METAP1D: variants seen among roughly 807,000 people sequenced by gnomAD.
METAP1D encodes the protein methionine aminopeptidase 1D, mitochondrial.
A neutral mutation model predicts 40.5 loss-of-function variants in METAP1D; 31 were observed. The observed-to-expected ratio is 0.77, with a 90% confidence interval of 0.58 to 1.03. The LOEUF (loss-of-function observed/expected upper bound fraction) is 1.03, where lower values mean the gene tolerates loss of function less well. METAP1D is among the 50% of genes least tolerant of loss of function. The pLI, the probability that METAP1D is intolerant of heterozygous loss-of-function variation, is 0.00. For synonymous variants in METAP1D, 151 were observed against 146.4 expected, an observed-to-expected ratio of 1.03 and a Z score of -0.22; for missense variants, 411 against 420.7, an observed-to-expected ratio of 0.98 and a Z score of 0.20.
intron 3 of METAP1D, 72 bp from the exon 4 acceptor site, chr2:172,065,532 C>T (rs1394708014): frequency 2.0e-6 from 3 of 1,464,530 alleles, no homozygotes; most frequent in Non-Finnish European, 2.8e-6. Context: ...AGTACTGTTG[C>T]TATAGCATAG....
intron 1 of METAP1D, among the ~76,000 whole-genome samples, chr2:172,035,715 C>A (rs956505063): frequency 6.6e-6 from 1 of 152,178 alleles, no homozygotes; most frequent in African/African-American, 2.4e-5. Flanking sequence ...GTGGCATGAT[C>A]ACAGCTCACT....
rs1437390877 is a variant in METAP1D, at chr2:172,042,171, A to G, written c.41-19327A>G. Among the ~76,000 whole-genome samples the G allele has an allele frequency of 1.3e-4, 13 of 98,192 alleles. 3 individuals carry two copies. Among genetic ancestry groups the G allele is most frequent in the African/African-American group, 4.3e-4 (13 of 29,948 alleles). The allele number at this position is 98,192 out of a possible 152,430, so 64.4% of individuals were successfully genotyped here. Reference sequence around the variant, plus strand: ...TATGTATGTGTACATGTGTACACATATACATATGTATGTGTACATGTGTAC... The same window carrying G: ...TATGTATGTGTACATGTGTACACATGTACATATGTATGTGTACATGTGTAC... On this transcript the variant is annotated intron_variant, in intron 1 of 9. Coordinates refer to ENST00000315796, the MANE Select transcript of METAP1D (RefSeq NM_199227.3).
chr2:172,070,770 C>CT (rs1272039360), intron 5 of METAP1D, 137 bp from the exon 6 acceptor site: 5 of 666,072 alleles, frequency 7.5e-6, no homozygotes, highest in Non-Finnish European at 1.1e-5. Context: ...TCTATTTCTT[C>CT]TTTTTTTGAT....
intron 1 of METAP1D, among the ~76,000 whole-genome samples, chr2:172,055,048 C>G (rs1032470270): frequency 6.6e-6 from 1 of 152,204 alleles, no homozygotes; most frequent in Non-Finnish European, 1.5e-5. Context: ...CTGTTCTGGG[C>G]TCTCCTACTC....
intron 1 of METAP1D, among the ~76,000 whole-genome samples, chr2:172,016,452 T>C (rs1439949498): frequency 6.7e-6 from 1 of 148,458 alleles, no homozygotes; most frequent in Non-Finnish European, 1.5e-5. Flanking sequence ...ACCCTGTCTC[T>C]ACAAAAAAAA....
intron 1 of METAP1D, among the ~76,000 whole-genome samples, chr2:172,029,197 T>A (rs1689186693): frequency 6.6e-6 from 1 of 152,150 alleles, no homozygotes. Flanking sequence ...TGCTTATCTC[T>A]GGAGTTTGAG....
chr2:172,028,821 A>G (rs1184704889), intron 1 of METAP1D, among the ~76,000 whole-genome samples: 2 of 152,188 alleles, frequency 1.3e-5, no homozygotes, highest in African/African-American at 4.8e-5. Flanking sequence ...TATACCTATG[A>G]ATTCCCTGTA....
At position 172,041,808 on chromosome 2, in the gene METAP1D, T is replaced by G. The variant is rs1400559573; in HGVS notation, c.41-19690T>G. Among the ~76,000 whole-genome samples the G allele has an allele frequency of 5.3e-5, 5 of 95,094 alleles. 1 individual carries two copies. The highest frequency in any genetic ancestry group is 9.9e-5 in the African/African-American group (3 of 30,446). 62.4% of individuals were successfully genotyped at this position (95,094 alleles called of 152,430 possible). The stretch of plus-strand genomic sequence containing the variant: ...AAATGACCTAATATATATATAGTTT[T>G]TTTTTTTTTTAAGATGGAGTCTTAC... On this transcript the variant is annotated intron_variant, in intron 1 of 9. Transcript: ENST00000315796.
Position 172,061,504 on chromosome 2 carries a change from A to G in METAP1D, c.47A>G (p.His16Arg). Reference sequence around the variant, plus strand: ...TGTCTGTTTCTGCTCACAGGTTCTCATAGAATTTTCTCTTCACCACTCAAT... The same window carrying G: ...TGTCTGTTTCTGCTCACAGGTTCTCGTAGAATTTTCTCTTCACCACTCAAT... ...GVHLLVRRGS[H>R]RIFSSPLNHI... is the part of the protein sequence containing the mutation. The change falls in exon 2 of 10, where the codon CAT becomes CGT. Residue 16 changes from histidine to arginine, a missense_variant. His to Arg is a conservative substitution (Grantham distance 29). Coordinates refer to ENST00000315796, the MANE Select transcript of METAP1D (RefSeq NM_199227.3). 6.2e-7 allele frequency: 1 copy of G among 1,610,254 alleles called. No homozygotes were observed.
intron 6 of METAP1D, among the ~76,000 whole-genome samples, chr2:172,073,098 A>G (rs1002794161): frequency 1.3e-5 from 2 of 152,226 alleles, no homozygotes; most frequent in African/African-American, 2.4e-5. Context: ...ATTTGTATCA[A>G]CACTACAATT....
intron 1 of METAP1D, among the ~76,000 whole-genome samples, chr2:172,009,776 A>T (rs956196070): frequency 6.6e-6 from 1 of 152,162 alleles, no homozygotes; most frequent in African/African-American, 2.4e-5. Flanking sequence ...AAGCCATTGC[A>T]GTCAGTTAGA....
chr2:172,052,349 G>A lies in METAP1D; in HGVS notation c.41-9149G>A, dbSNP rs181373344. On this transcript the variant is annotated intron_variant, in intron 1 of 9. Transcript: ENST00000315796. Reference sequence around the variant, plus strand: ...AGTGGTGTATGGTGTCCATATCCACGATTTCCTGCATTGGAGAAAAAGTGT... The same window carrying A: ...AGTGGTGTATGGTGTCCATATCCACAATTTCCTGCATTGGAGAAAAAGTGT... 1.6e-3 allele frequency among the ~76,000 whole-genome samples: 249 copies of A among 152,278 alleles called. 2 individuals carry two copies. The highest frequency in any genetic ancestry group is 2.6e-3 in the Non-Finnish European group (179 of 68,024).
At chr2:172,072,856 T>C (rs1427756674) in intron 6 of METAP1D, among the ~76,000 whole-genome samples, 2 of 152,166 alleles carry the variant, frequency 1.3e-5, no homozygotes, top group East Asian at 3.8e-4. Flanking sequence ...GAAAATGGTT[T>C]CATTATAGGG....
At chr2:172,002,941 C>T (rs1230454857) in intron 1 of METAP1D, among the ~76,000 whole-genome samples, 2 of 151,954 alleles carry the variant, frequency 1.3e-5, no homozygotes, top group Non-Finnish European at 2.9e-5. Flanking sequence ...CACAGTATAC[C>T]CTATATACAG....
chr2:172,043,119 T>TA (rs1689659428), intron 1 of METAP1D, among the ~76,000 whole-genome samples: 3 of 117,196 alleles, frequency 2.6e-5, no homozygotes, highest in African/African-American at 8.6e-5. Flanking sequence ...ATATATATAT[T>TA]TTTTGGGATA....
intron 1 of METAP1D, among the ~76,000 whole-genome samples, chr2:172,022,524 G>A (rs1278260652): frequency 6.6e-6 from 1 of 152,144 alleles, no homozygotes; most frequent in Non-Finnish European, 1.5e-5. Flanking sequence ...GCTGTTTATT[G>A]ATAGTTTTCA....
intron 6 of METAP1D, among the ~76,000 whole-genome samples, chr2:172,072,669 C>G (rs1690451297): frequency 6.6e-6 from 1 of 152,042 alleles, no homozygotes. Flanking sequence ...TATTTTTTCC[C>G]CTTTTTGTCT....
At chr2:172,002,209 CA>C (rs368371604) in intron 1 of METAP1D, among the ~76,000 whole-genome samples, 7 of 126,044 alleles carry the variant, frequency 5.6e-5, no homozygotes, top group East Asian at 2.3e-4. Flanking sequence ...GAGGAGGAGC[CA>C]AAAAAAAAAC....
At chr2:172,035,972 T>G (rs1483774513) in intron 1 of METAP1D, among the ~76,000 whole-genome samples, 5 of 152,008 alleles carry the variant, frequency 3.3e-5, no homozygotes, top group Non-Finnish European at 5.9e-5. Flanking sequence ...TAAGGATCCA[T>G]TTATATTGTA....
Sources: gnomAD v4.1 joint callset for allele counts (sites outside exome capture counted in the v4.1 genomes callset) on GRCh38, gnomAD v4.1.1 for gene constraint, MANE v1.5 for transcripts, NCBI Gene and HGNC (gene_info 2026-07-23, HGNC 2026-07-21) for gene names.